CTDSP2: variants seen among roughly 807,000 people sequenced by gnomAD.
CTDSP2 encodes the protein carboxy-terminal domain RNA polymerase II polypeptide A small phosphatase 2.
A neutral mutation model predicts 31.6 loss-of-function variants in CTDSP2; 9 were observed. The observed-to-expected ratio is 0.28, with a 90% confidence interval of 0.17 to 0.50. The LOEUF is 0.50. Ranked by LOEUF, CTDSP2 falls within the 20% of genes least tolerant of loss-of-function variation. The pLI is 0.98. For synonymous variants in CTDSP2, 134 were observed against 134.5 expected, an observed-to-expected ratio of 1.00 and a Z score of 0.03; for missense variants, 267 against 348.5, an observed-to-expected ratio of 0.77 and a Z score of 1.86.
intron 1 of CTDSP2, among the ~76,000 whole-genome samples, chr12:57,836,100 C>T (rs912500574): frequency 5.3e-5 from 8 of 152,164 alleles, no homozygotes; most frequent in Non-Finnish European, 1.0e-4. Context: ...AGCCCTCCCA[C>T]CATCATCACG....
rs1311000194 is a variant in CTDSP2, at chr12:57,829,440, C to A, written c.213+8G>T. On this transcript the variant is annotated splice_region_variant and intron_variant, in intron 2 of 7. Transcript: ENST00000398073. ...ATTGCTGGCATCTTACCACCCCAACCCACCTACCTTAGCAATGGTGTTTGC... is the reference window on the plus strand; with the variant it reads ...ATTGCTGGCATCTTACCACCCCAACACACCTACCTTAGCAATGGTGTTTGC... 6.2e-7 allele frequency: 1 copy of A among 1,612,420 alleles called. No homozygotes were observed. The highest frequency in any genetic ancestry group is 1.1e-5 in the South Asian group (1 of 91,038).
Position 57,827,002 on chromosome 12 carries a change from G to A in CTDSP2, c.348C>T (p.Ser116=). 1 of 1,611,042 alleles carries A rather than the reference G, an allele frequency of 6.2e-7. No homozygotes were observed. The highest frequency in any genetic ancestry group is 8.5e-7 in the Non-Finnish European group (1 of 1,177,880). The change falls in exon 4 of 8, where the codon TCC becomes TCT. Residue 116 remains serine, a synonymous_variant. Coordinates refer to ENST00000398073, the MANE Select transcript of CTDSP2 (RefSeq NM_005730.4). Reference sequence around the variant, plus strand: ...GTTCCAGACATTGAGTTACCTTAAAGGAGCTATGCACAAGGGTTTCATCGA... The same window carrying A: ...GTTCCAGACATTGAGTTACCTTAAAAGAGCTATGCACAAGGGTTTCATCGA... ...IDLDETLVHS[S]FKPINNADFI...
intron 1 of CTDSP2, among the ~76,000 whole-genome samples, chr12:57,838,546 G>C (rs1251119042): frequency 6.6e-6 from 1 of 152,352 alleles, no homozygotes; most frequent in Non-Finnish European, 1.5e-5. Context: ...GGAATGCTTA[G>C]ATATAGTTGA....
At chr12:57,831,931 C>T (rs1356939274) in intron 1 of CTDSP2, among the ~76,000 whole-genome samples, 3 of 152,198 alleles carry the variant, frequency 2.0e-5, no homozygotes, top group African/African-American at 7.2e-5. Context: ...AGTTACTGGG[C>T]TGCCAGTACC....
intron 1 of CTDSP2, among the ~76,000 whole-genome samples, chr12:57,837,783 CCT>C (rs1398533727): frequency 2.0e-5 from 3 of 152,092 alleles, no homozygotes; most frequent in African/African-American, 7.2e-5. Context: ...ATGCTGGTGC[CCT>C]CTCTGCACCA....
chr12:57,846,231 G>T, intron 1 of CTDSP2, 141 bp downstream of exon 1: 1 of 696,660 alleles, frequency 1.4e-6, no homozygotes, highest in South Asian at 2.1e-5. Flanking sequence ...CGGGATGCGG[G>T]GGCGGATGGA....
At chr12:57,826,573 T>C (rs1421917988) in intron 4 of CTDSP2, among the ~76,000 whole-genome samples, 171 bp from the exon 5 acceptor site, 1 of 152,180 alleles carries the variant, frequency 6.6e-6, no homozygotes, top group Non-Finnish European at 1.5e-5. Context: ...CCCATTCTGG[T>C]TTTCCCTACT....
chr12:57,836,126 A>C (rs1404018029), intron 1 of CTDSP2, among the ~76,000 whole-genome samples: 5 of 152,182 alleles, frequency 3.3e-5, no homozygotes, highest in African/African-American at 1.2e-4. Context: ...GAAGCCCAAG[A>C]AGATGAGGGA....
At chr12:57,833,929 A>AGT (rs1956231550) in intron 1 of CTDSP2, among the ~76,000 whole-genome samples, 1 of 152,180 alleles carries the variant, frequency 6.6e-6, no homozygotes, top group African/African-American at 2.4e-5. Flanking sequence ...CCTTACTATT[A>AGT]ACACTTTGGT....
At chr12:57,829,983 C>T (rs934603103) in intron 1 of CTDSP2, among the ~76,000 whole-genome samples, 15 of 152,148 alleles carry the variant, frequency 9.9e-5, no homozygotes, top group East Asian at 5.8e-4. Context: ...TTCCAGACAA[C>T]GGAGAAACCT....
At chr12:57,825,700 G>C (rs933408392) in intron 5 of CTDSP2, among the ~76,000 whole-genome samples, 2 of 152,202 alleles carry the variant, frequency 1.3e-5, no homozygotes, top group Non-Finnish European at 2.9e-5. Context: ...GCTGGAGCCT[G>C]GTCTGTTTAG....
chr12:57,842,563 AGCGCTCCTCT>A (rs2140485596), intron 1 of CTDSP2: 1 of 152,398 alleles, frequency 6.6e-6, no homozygotes, highest in South Asian at 2.1e-4. Flanking sequence ...CTGATTTATC[AGCGCTCCTCT>A]GCAATTTTGG....
Position 57,822,379 on chromosome 12 carries a change from T to C in CTDSP2, c.*1223A>G, listed in dbSNP as rs1956152154. 1 of 152,222 alleles carries C rather than the reference T, an allele frequency of 6.6e-6. No homozygotes were observed. The highest frequency in any genetic ancestry group is 1.5e-5 in the Non-Finnish European group (1 of 68,084). 9.4% of individuals were successfully genotyped at this position (152,222 alleles called of 1,614,324 possible). A position where few individuals can be genotyped will look rare whatever the true frequency, so the allele number is the denominator to read the frequency against. On this transcript the variant is annotated 3_prime_UTR_variant, in exon 8 of 8. Transcript: ENST00000398073. ...TTACCAGAGGCAGAAAGCATGCGCA[T>C]TAGGCTGGCAAATGGCAAGAACACT...
At chr12:57,830,392 C>A (rs1188417846) in intron 1 of CTDSP2, among the ~76,000 whole-genome samples, 7 of 151,830 alleles carry the variant, frequency 4.6e-5, no homozygotes, top group Non-Finnish European at 8.8e-5. Context: ...CTCAAAAAAA[C>A]AACAACAAAA....
At chr12:57,825,862 G>A (rs372627560) in intron 5 of CTDSP2, among the ~76,000 whole-genome samples, 1 of 152,124 alleles carries the variant, frequency 6.6e-6, no homozygotes. Flanking sequence ...ATTCACAGTG[G>A]GGGTGGCAGG....
At position 57,846,680 on chromosome 12, in the gene CTDSP2, G is replaced by T; in HGVS notation, c.-245C>A. On this transcript the variant is annotated 5_prime_UTR_variant, in exon 1 of 8. Transcript: ENST00000398073. Reference sequence around the variant, plus strand: ...GCCCCGATCCCCCAGCGGCAGCTCCGGGCTCCTCAGTTTGGGTCCAACATG... The same window carrying T: ...GCCCCGATCCCCCAGCGGCAGCTCCTGGCTCCTCAGTTTGGGTCCAACATG... The T allele has an allele frequency of 2.3e-6, 1 of 429,456 alleles. No homozygotes were observed. The highest frequency in any genetic ancestry group is 4.0e-5 in the East Asian group (1 of 24,930). 26.6% of individuals were successfully genotyped at this position (429,456 alleles called of 1,614,324 possible).
At position 57,823,424 on chromosome 12, in the gene CTDSP2, T is replaced by C. The variant is rs1956160920; in HGVS notation, c.*178A>G. On this transcript the variant is annotated 3_prime_UTR_variant, in exon 8 of 8. Coordinates refer to ENST00000398073, the MANE Select transcript of CTDSP2 (RefSeq NM_005730.4). ...TGGCGGCAGGTAGCTCTGGGTATCATTGGTCTGGCATTCGCCCACTCGGCA... is the reference window on the plus strand; with the variant it reads ...TGGCGGCAGGTAGCTCTGGGTATCACTGGTCTGGCATTCGCCCACTCGGCA... 5 of 648,228 alleles carry C rather than the reference T, an allele frequency of 7.7e-6. No individual in the cohort carries two copies. Among genetic ancestry groups the C allele is most frequent in the Non-Finnish European group, 1.1e-5 (4 of 379,872 alleles). The allele number at this position is 648,228 out of a possible 1,614,324, so 40.2% of individuals were successfully genotyped here. A position where few individuals can be genotyped will look rare whatever the true frequency, so the allele number is the denominator to read the frequency against.
intron 1 of CTDSP2, among the ~76,000 whole-genome samples, chr12:57,830,950 G>T (rs1019511492): frequency 1.3e-5 from 2 of 151,234 alleles, no homozygotes; most frequent in African/African-American, 4.9e-5. Context: ...GTTTCTCCAC[G>T]TTGGTCAGGC....
At chr12:57,824,163 G>C (rs1223771380) in intron 6 of CTDSP2, 64 bp downstream of exon 6, 1 of 1,608,340 alleles carries the variant, frequency 6.2e-7, no homozygotes, top group African/African-American at 1.3e-5. Flanking sequence ...CCAAAAGGGA[G>C]CTGCTGGACC....
Sources: allele counts gnomAD v4.1 joint callset (sites outside exome capture counted in the v4.1 genomes callset), GRCh38; gene constraint gnomAD v4.1.1; transcripts MANE v1.5; gene names NCBI Gene and HGNC (gene_info 2026-07-23, HGNC 2026-07-21).